The following TEX101 variants were observed in gnomAD, a reference collection of about 807,000 sequenced individuals.
TEX101 encodes testis expressed 101.
TEX101 carries 10 observed loss-of-function variants against 18.1 expected under a neutral mutation model. The ratio of observed to expected loss-of-function variants is 0.55; its 90% confidence interval spans 0.34 to 0.94. The LOEUF (loss-of-function observed/expected upper bound fraction) is 0.94, where lower values mean the gene tolerates loss of function less well. TEX101 is among the 40% of genes least tolerant of loss of function. TEX101 has a pLI of 0.02. For synonymous variants in TEX101, 94 were observed against 114.8 expected (o/e 0.82, Z 1.16); for missense variants, 259 against 298.9 (o/e 0.87, Z 0.98).
upstream of TEX101, among the ~76,000 whole-genome samples, chr19:43,401,003 C>T (rs1970313620): frequency 6.6e-6 from 1 of 152,174 alleles, no homozygotes; most frequent in African/African-American, 2.4e-5. Flanking sequence ...TGATTTCTGA[C>T]ACATGTTCTA....
chr19:43,406,549 A>G (rs1970365461), intron 3 of TEX101: 2 of 677,804 alleles, frequency 3.0e-6, no homozygotes, highest in Admixed American at 4.7e-5. Context: ...TGTGGGTGAA[A>G]TTCCATTATT....
Position 43,416,148 on chromosome 19 carries a change from A to C in TEX101, c.114A>C (p.Ala38=), listed in dbSNP as rs1178140066. Residue 38 remains alanine, a synonymous_variant, in exon 3 of 6, where the codon GCA becomes GCC. Coordinates refer to ENST00000598265, the MANE Select transcript of TEX101 (RefSeq NM_001130011.3). ...AGGGTCTGTCCATGACTGTGGAAGC[A>C]GATCCAGCCAATATGTTTAACTGGA... ...CQKGLSMTVE[A]DPANMFNWTT... is the part of the protein sequence containing the mutation. The C allele has an allele frequency of 5.0e-6, 8 of 1,613,830 alleles. No individual in the cohort carries two copies. The highest frequency in any genetic ancestry group is 6.8e-6 in the Non-Finnish European group (8 of 1,179,940).
upstream of TEX101, among the ~76,000 whole-genome samples, chr19:43,411,509 C>T (rs1970418874): frequency 6.6e-6 from 1 of 152,240 alleles, no homozygotes; most frequent in Non-Finnish European, 1.5e-5. Flanking sequence ...GGTGGTGTCA[C>T]AAGTGCTTAT....
upstream of TEX101, among the ~76,000 whole-genome samples, chr19:43,410,775 CATACAT>C (rs891577469): frequency 6.6e-6 from 1 of 151,372 alleles, no homozygotes; most frequent in African/African-American, 2.4e-5. Flanking sequence ...TACACACAGA[CATACAT>C]ATATACAGAC....
rs553926506 is a variant in TEX101 at position 43,404,461 on chromosome 19, C to T, written c.-283+1602C>T. On this transcript the variant is annotated intron_variant, in intron 2 of 7. Coordinates refer to the TEX101 transcript ENST00000602198. ...TTCACCCCTCTTTGGAAAGGGATAG[C>T]ATTTTAATATATAATATACTACAAT... is the stretch of plus-strand genomic sequence containing the variant. Among the ~76,000 whole-genome samples the T allele has an allele frequency of 1.2e-4, 18 of 152,204 alleles. No individual in the cohort carries two copies. The East Asian group carries it at 3.3e-3, about 28-fold the overall frequency.
chr19:43,418,353 CTACTGCTGCCAT>C lies in TEX101; in HGVS notation c.708_719del (p.Leu240_Pro243del), dbSNP rs1484344673. 1 of 1,614,106 alleles carries C rather than the reference CTACTGCTGCCAT, an allele frequency of 6.2e-7. No individual in the cohort carries two copies. On this transcript the variant is annotated inframe_deletion, in exon 6 of 6. Coordinates refer to ENST00000598265, the MANE Select transcript of TEX101 (RefSeq NM_001130011.3). ...TCCCATTCCTGTTTGGGGGTTACAGCTACTGCTGCCATTGCTGCTGCCATCATTTATTCACTT... is the reference window on the plus strand; with the variant it reads ...TCCCATTCCTGTTTGGGGGTTACAGCTGCTGCTGCCATCATTTATTCACTT...
At chr19:43,405,805 T>C (rs56252911) in intron 2 of TEX101, among the ~76,000 whole-genome samples, 49,875 of 151,060 alleles carry the variant, frequency 0.33, 8,810 homozygotes, top group East Asian at 0.73. Flanking sequence ...ATCCCAGCTA[T>C]TCGGGAGACT....
the TEX101 span, among the ~76,000 whole-genome samples, chr19:43,389,605 C>T: frequency 3.3e-5 from 5 of 152,126 alleles, no homozygotes; most frequent in South Asian, 6.2e-4. Flanking sequence ...GACCTTCCTA[C>T]CCTGTCCTTT....
chr19:43,413,526 T>C (rs1970438264), upstream of TEX101, among the ~76,000 whole-genome samples: 1 of 151,640 alleles, frequency 6.6e-6, no homozygotes, highest in African/African-American at 2.4e-5. Context: ...AAGAATTTAT[T>C]TTTCAGGGAG....
At chr19:43,392,643 G>A in the TEX101 span, among the ~76,000 whole-genome samples, 1 of 152,122 alleles carries the variant, frequency 6.6e-6, no homozygotes, top group Non-Finnish European at 1.5e-5. Context: ...CAGAGACAAA[G>A]AGGGAGGCAC....
upstream of TEX101, among the ~76,000 whole-genome samples, chr19:43,411,996 A>G (rs1970423386): frequency 6.6e-6 from 1 of 152,156 alleles, no homozygotes; most frequent in African/African-American, 2.4e-5. Flanking sequence ...TGAAGCTTGG[A>G]GAGGAACAGA....
In TEX101 at chr19:43,416,560, C is replaced by T. The variant is rs1346648942; in HGVS notation, c.391+5C>T. The T allele has an allele frequency of 1.2e-6, 2 of 1,610,904 alleles. No homozygotes were observed. The highest frequency in any genetic ancestry group is 1.7e-4 in the Middle Eastern group (1 of 6,050). On this transcript the variant is annotated splice_donor_5th_base_variant and intron_variant, in intron 4 of 5. Coordinates refer to ENST00000598265, the MANE Select transcript of TEX101 (RefSeq NM_001130011.3). ...GGGAGTTCAGTGAGACCACAGGTAC[C>T]CTGGAAGTGGGGGAGATAGGTACTA...
chr19:43,417,842 G>C, intron 4 of TEX101, 36 bp from the exon 5 acceptor site: 1 of 1,612,660 alleles, frequency 6.2e-7, no homozygotes. Flanking sequence ...CTGGAGGCAG[G>C]ACCTGCCCTT....
chr19:43,417,761 T>A (rs903406356), intron 4 of TEX101, 117 bp from the exon 5 acceptor site: 34 of 1,327,254 alleles, frequency 2.6e-5, no homozygotes, highest in Admixed American at 1.4e-4. Context: ...GAGGCTGAAG[T>A]AATGGGCCTT....
At chr19:43,397,873 TAA>T (rs1262436040), upstream of TEX101, among the ~76,000 whole-genome samples, 9 of 94,908 alleles carry the variant, frequency 9.5e-5, no homozygotes, top group Non-Finnish European at 1.7e-4. Context: ...ATATAATATA[TAA>T]AAATATATAT....
chr19:43,417,911 C>T lies in TEX101; in HGVS notation c.425C>T (p.Thr142Ile), dbSNP rs750654619. ...GTGTCAACAACCCTCCATTGTCCAA[C>T]CTGTGTGGCTTTGGGGACCTGTTTC... ...STVSTTLHCPTCVALGTCFSA... is the reference protein window; with the variant it reads ...STVSTTLHCPICVALGTCFSA... Residue 142 changes from threonine to isoleucine, a missense_variant, in exon 5 of 6, where the codon ACC (threonine) becomes ATC (isoleucine). Transcript: ENST00000598265. 1 of 1,614,188 alleles carries T rather than the reference C, an allele frequency of 6.2e-7. No homozygotes were observed. Among genetic ancestry groups the T allele is most frequent in the Non-Finnish European group, 8.5e-7 (1 of 1,180,024 alleles).
the TEX101 span, among the ~76,000 whole-genome samples, chr19:43,388,687 A>G: frequency 6.6e-6 from 1 of 152,146 alleles, no homozygotes; most frequent in Non-Finnish European, 1.5e-5. Context: ...GTATCTGGAG[A>G]CCATGTGTGT....
chr19:43,391,479 G>C, the TEX101 span, among the ~76,000 whole-genome samples: 15 of 139,168 alleles, frequency 1.1e-4, no homozygotes, highest in Admixed American at 7.6e-5. Context: ...CTGTAGTTGT[G>C]ATTTTTATTT....
chr19:43,389,489 A>G, the TEX101 span, among the ~76,000 whole-genome samples: 3 of 152,220 alleles, frequency 2.0e-5, no homozygotes, highest in African/African-American at 4.8e-5. Flanking sequence ...TGCCTCCTGC[A>G]GTAGCCAGAA....
Sources: allele counts gnomAD v4.1 joint callset (sites outside exome capture counted in the v4.1 genomes callset), GRCh38; gene constraint gnomAD v4.1.1; transcripts MANE v1.5; gene names NCBI Gene and HGNC (gene_info 2026-07-23, HGNC 2026-07-21).